The following AGMO variants were observed in gnomAD, a reference collection of about 807,000 sequenced individuals.
The protein encoded by AGMO is alkylglycerol monooxygenase, also known as glyceryl-ether monooxygenase.
Under a neutral mutation model 60.2 loss-of-function variants are expected in AGMO, and 75 were observed. That is an observed-to-expected ratio of 1.25 (90% CI 1.03 to 1.51). AGMO has a LOEUF of 1.51. Ranked by LOEUF, AGMO falls within the 40% of genes most tolerant of loss-of-function variation. The pLI is 0.00. For missense variants in AGMO, 763 were observed against 525.5 expected (o/e 1.45, Z -4.42); for synonymous variants, 261 against 177.1 (o/e 1.47, Z -3.76).
At chr7:15,407,917 T>G (rs1372852263) in intron 5 of AGMO, among the ~76,000 whole-genome samples, 1 of 151,788 alleles carries the variant, frequency 6.6e-6, no homozygotes, top group Non-Finnish European at 1.5e-5. Context: ...TGTTATCTAA[T>G]TTATCTCTCC....
At chr7:15,158,057 T>C in the AGMO span, among the ~76,000 whole-genome samples, 2 of 152,256 alleles carry the variant, frequency 1.3e-5, no homozygotes, top group Admixed American at 1.3e-4. Flanking sequence ...ATATTAAATA[T>C]TATATTTTAT....
intron 3 of AGMO, among the ~76,000 whole-genome samples, chr7:15,452,326 A>G (rs1781876546): frequency 6.6e-6 from 1 of 152,330 alleles, no homozygotes. Flanking sequence ...AAATGTTTAC[A>G]AATAAAATAT....
chr7:15,414,590 C>T (rs765106771), intron 5 of AGMO, among the ~76,000 whole-genome samples: 3 of 151,794 alleles, frequency 2.0e-5, no homozygotes, highest in Non-Finnish European at 4.4e-5. Flanking sequence ...CTTATACCAT[C>T]TAGCTCCTTG....
chr7:15,509,169 T>G (rs945702456), intron 3 of AGMO, among the ~76,000 whole-genome samples: 2 of 152,100 alleles, frequency 1.3e-5, no homozygotes, highest in Non-Finnish European at 2.9e-5. Context: ...AGCAAATAAT[T>G]AGATACTACA....
chr7:15,371,969 C>G (rs4463322), intron 10 of AGMO, among the ~76,000 whole-genome samples: 2 of 151,674 alleles, frequency 1.3e-5, no homozygotes, highest in African/African-American at 2.4e-5. Flanking sequence ...TAATATTTAT[C>G]CCTTTAATTC....
chr7:15,488,223 C>T (rs373517398), intron 3 of AGMO, among the ~76,000 whole-genome samples: 7 of 152,166 alleles, frequency 4.6e-5, no homozygotes, highest in Non-Finnish European at 8.8e-5. Flanking sequence ...ATATTACACA[C>T]CTAGTGAATT....
At chr7:15,507,993 G>A (rs1273820238) in intron 3 of AGMO, among the ~76,000 whole-genome samples, 3 of 151,926 alleles carry the variant, frequency 2.0e-5, no homozygotes, top group South Asian at 2.1e-4. Context: ...AAAATGTACC[G>A]TAATAAAATT....
chr7:15,188,850 T>C, the AGMO span, among the ~76,000 whole-genome samples: 1 of 152,328 alleles, frequency 6.6e-6, no homozygotes, highest in Admixed American at 6.5e-5. Context: ...ATCAGCATTG[T>C]TCTGATTTTG....
intron 12 of AGMO, among the ~76,000 whole-genome samples, chr7:15,348,934 GTTC>G (rs1376664629): frequency 2.6e-5 from 4 of 152,036 alleles, no homozygotes; most frequent in South Asian, 2.1e-4. Context: ...GAACCTCAAA[GTTC>G]TTCTAAATTA....
chr7:15,362,355 C>T (rs373547292), intron 12 of AGMO, among the ~76,000 whole-genome samples: 4 of 152,054 alleles, frequency 2.6e-5, no homozygotes, highest in East Asian at 3.9e-4. Flanking sequence ...AATATTTATC[C>T]AGTCTTACGT....
intron 3 of AGMO, among the ~76,000 whole-genome samples, chr7:15,541,266 G>C (rs1182127353): frequency 6.6e-6 from 1 of 152,058 alleles, no homozygotes. Flanking sequence ...GGGATTACAG[G>C]CGTGGGCCAC....
chr7:15,216,767 T>A (rs1297839839), intron 12 of AGMO, among the ~76,000 whole-genome samples: 1 of 151,694 alleles, frequency 6.6e-6, no homozygotes, highest in Non-Finnish European at 1.5e-5. Context: ...GATCAATAGA[T>A]CAACACATAT....
intron 12 of AGMO, among the ~76,000 whole-genome samples, chr7:15,283,303 C>A (rs1031372593): frequency 3.3e-5 from 5 of 151,792 alleles, no homozygotes; most frequent in Non-Finnish European, 5.9e-5. Flanking sequence ...TAGATTAAAA[C>A]CATCACAAAC....
chr7:15,481,488 T>A (rs1192522144), intron 3 of AGMO, among the ~76,000 whole-genome samples: 1 of 152,034 alleles, frequency 6.6e-6, no homozygotes, highest in Non-Finnish European at 1.5e-5. Flanking sequence ...AAAAGATCAG[T>A]CCACAAGACA....
intron 10 of AGMO, among the ~76,000 whole-genome samples, chr7:15,371,296 C>T (rs115772476): frequency 2.0e-5 from 3 of 151,972 alleles, no homozygotes; most frequent in South Asian, 2.1e-4. Flanking sequence ...TCTAAGCTCA[C>T]GACAACCTCC....
At chr7:15,554,294 C>A (rs17329829) in intron 2 of AGMO, among the ~76,000 whole-genome samples, 1 of 151,906 alleles carries the variant, frequency 6.6e-6, no homozygotes, top group African/African-American at 2.4e-5. Context: ...TGGGAAGAGG[C>A]ATATAAAATA....
At chr7:15,433,912 G>A (rs1428890869) in intron 3 of AGMO, among the ~76,000 whole-genome samples, 2 of 151,978 alleles carry the variant, frequency 1.3e-5, no homozygotes, top group African/African-American at 4.8e-5. Flanking sequence ...TTTATGTAAT[G>A]TGTGTGTGGT....
At chr7:15,379,653 C>A (rs1450114647) in intron 10 of AGMO, among the ~76,000 whole-genome samples, 3 of 152,064 alleles carry the variant, frequency 2.0e-5, no homozygotes, top group African/African-American at 7.2e-5. Flanking sequence ...GACAGATTCA[C>A]AGCTGAATTC....
chr7:15,399,249 G>GAT (rs1199615427), intron 5 of AGMO, among the ~76,000 whole-genome samples: 3 of 152,080 alleles, frequency 2.0e-5, no homozygotes, highest in Admixed American at 6.5e-5. Flanking sequence ...TGAAGTTTTA[G>GAT]ATGAAATTTT....
Sources: gnomAD v4.1 joint callset for allele counts (sites outside exome capture counted in the v4.1 genomes callset) on GRCh38, gnomAD v4.1.1 for gene constraint, MANE v1.5 for transcripts, NCBI Gene and HGNC (gene_info 2026-07-23, HGNC 2026-07-21) for gene names.